TEX11: variants seen among roughly 807,000 people sequenced by gnomAD.
The protein encoded by TEX11 is testis-expressed protein 11.
A neutral mutation model predicts 84.4 loss-of-function variants in TEX11; 7 were observed. That is an observed-to-expected ratio of 0.08 (90% confidence interval 0.05 to 0.16). The LOEUF (loss-of-function observed/expected upper bound fraction) is 0.16. Among genes scored for constraint, TEX11 ranks in the 10% least tolerant of loss-of-function variants. The probability of loss-of-function intolerance (pLI) is 1.00; values close to 1 mark genes in which losing one functional copy is unlikely to be tolerated. For missense variants in TEX11, 551 were observed against 660.5 expected, an observed-to-expected ratio of 0.83 and a Z score of 1.82; for synonymous variants, 264 against 222.8, an observed-to-expected ratio of 1.18 and a Z score of -1.64.
intron 25 of TEX11, among the ~76,000 whole-genome samples, chrX:70,557,564 TA>T (rs752815788): frequency 1.8e-5 from 2 of 111,921 alleles, no homozygotes; most frequent in Admixed American, 1.9e-4. Context: ...TTATGTAACT[TA>T]TAAACAAAAA....
chrX:70,685,399 C>T lies in TEX11; in HGVS notation c.1005-2574G>A, dbSNP rs145365696. Among the ~76,000 whole-genome samples the T allele has an allele frequency of 3.1e-3, 344 of 111,613 alleles. 5 individuals are homozygous for T. The East Asian group carries it at 0.049, about 16-fold the overall frequency. ...ATGTGTTTGGACAACTGGACATCCA[C>T]CTGCAAAAGAATAAATTGAACACAT... On this transcript the variant is annotated intron_variant, in intron 13 of 29. Transcript: ENST00000374333.
downstream of TEX11, among the ~76,000 whole-genome samples, chrX:70,528,179 T>C (rs1203693612): frequency 8.9e-6 from 1 of 111,824 alleles, no homozygotes; most frequent in Non-Finnish European, 1.9e-5. Flanking sequence ...TTCAGAGGCA[T>C]CTCCAAGGGG....
In TEX11 at chrX:70,853,116, C is replaced by T; in HGVS notation, c.443G>A (p.Ser148Asn). 4 of 1,209,681 alleles carry T rather than the reference C, an allele frequency of 3.3e-6. No homozygotes were observed. The highest frequency in any genetic ancestry group is 4.5e-6 in the Non-Finnish European group (4 of 894,348). ...EQLYVKLIQR[S>N]SPEADLTMEK... ...CATGGTCAAGTCAGCCTCAGGGGAG[C>T]TCCTTTGAATTAATTTGACGTATAA... is the stretch of plus-strand genomic sequence containing the variant. The change falls in exon 7 of 30, where the codon AGC (serine) becomes AAC (asparagine). Residue 148 changes from serine to asparagine, a missense_variant. By Grantham distance (46) the Ser-to-Asn change is conservative (BLOSUM62 1). Coordinates refer to ENST00000374333, the MANE Select transcript of TEX11 (RefSeq NM_031276.3).
At chrX:70,845,540 A>G (rs186134149) in intron 7 of TEX11, among the ~76,000 whole-genome samples, 98 of 111,042 alleles carry the variant, frequency 8.8e-4, no homozygotes, top group Non-Finnish European at 1.5e-3. Flanking sequence ...AAAAATAGTT[A>G]ATCCAGGCAG....
At chrX:70,672,298 A>C (rs1284643798) in intron 15 of TEX11, among the ~76,000 whole-genome samples, 1 of 111,562 alleles carries the variant, frequency 9.0e-6, no homozygotes, top group East Asian at 2.8e-4. Flanking sequence ...AACTATTATA[A>C]ATAAAGCTGC....
chrX:70,611,123 AC>A (rs2089255729), intron 20 of TEX11, among the ~76,000 whole-genome samples: 1 of 111,748 alleles, frequency 8.9e-6, no homozygotes, highest in Non-Finnish European at 1.9e-5. Flanking sequence ...AGGTTTCCTG[AC>A]CCCTCTGTCA....
intron 9 of TEX11, among the ~76,000 whole-genome samples, chrX:70,801,661 CT>C (rs57240637): frequency 1.9e-4 from 15 of 77,638 alleles, no homozygotes; most frequent in South Asian, 1.4e-3. Context: ...TTCTTTCTTT[CT>C]TTCTTTCTTT....
At position 70,682,642 on chromosome X, in the gene TEX11, G is replaced by A. The variant is rs763571019; in HGVS notation, c.1156+32C>T. The stretch of plus-strand genomic sequence containing the variant: ...CTAAGAATTATACACAAATTAATAC[G>A]TTTCTAAAACACTTGCGAAAATCCT... On this transcript the variant is annotated intron_variant, in intron 14 of 29. Transcript: ENST00000374333. 6 of 1,192,372 alleles carry A rather than the reference G, an allele frequency of 5.0e-6. No homozygotes were observed. The South Asian group carries it at 5.5e-5, about 11-fold the overall frequency.
intron 16 of TEX11, among the ~76,000 whole-genome samples, chrX:70,652,873 T>G (rs1477032753): frequency 9.0e-6 from 1 of 110,675 alleles, no homozygotes; most frequent in Non-Finnish European, 1.9e-5. Flanking sequence ...CTTTCTAGGA[T>G]AGCCACTAAA....
chrX:70,619,791 T>C (rs1206525533), intron 20 of TEX11, among the ~76,000 whole-genome samples: 1 of 109,963 alleles, frequency 9.1e-6, no homozygotes, highest in Non-Finnish European at 1.9e-5. Context: ...AATGACTGAA[T>C]GGGACTCCAG....
intron 9 of TEX11, among the ~76,000 whole-genome samples, chrX:70,781,083 A>G (rs1242863183): frequency 9.0e-6 from 1 of 111,644 alleles, no homozygotes; most frequent in Non-Finnish European, 1.9e-5. Flanking sequence ...ATATAGGCAG[A>G]TGCCCCTCTG....
chrX:70,579,895 G>T (rs1168830912), intron 25 of TEX11, among the ~76,000 whole-genome samples: 1 of 112,172 alleles, frequency 8.9e-6, no homozygotes, highest in African/African-American at 3.2e-5. Context: ...TACACTGCTG[G>T]TGGGAACATA....
chrX:70,782,652 A>AAAAAAAAAAAAAAAAC (rs1569439773), intron 9 of TEX11, among the ~76,000 whole-genome samples: 16 of 102,303 alleles, frequency 1.6e-4, no homozygotes, highest in African/African-American at 5.8e-4. Flanking sequence ...AAGCAAAAAA[A>AAAAAAAAAAAAAAAAC]AAAAAAAAAA....
chrX:70,744,430 A>G (rs1424617891), intron 9 of TEX11, among the ~76,000 whole-genome samples: 4 of 108,772 alleles, frequency 3.7e-5, no homozygotes, highest in Non-Finnish European at 7.6e-5. Flanking sequence ...CAATTTCCTT[A>G]GGAGATACCC....
At chrX:70,870,543 G>C (rs761809067) in intron 4 of TEX11, among the ~76,000 whole-genome samples, 9 of 111,001 alleles carry the variant, frequency 8.1e-5, no homozygotes, top group African/African-American at 2.6e-4. Flanking sequence ...CACTGTGTTA[G>C]TCAGGATGGT....
At chrX:70,650,422 G>A (rs1218879889) in intron 17 of TEX11, among the ~76,000 whole-genome samples, 1 of 111,210 alleles carries the variant, frequency 9.0e-6, no homozygotes, top group African/African-American at 3.3e-5. Flanking sequence ...GATTTAACAG[G>A]AAAATTACTA....
At chrX:70,883,583 T>C (rs2091694324) in intron 2 of TEX11, among the ~76,000 whole-genome samples, 1 of 111,244 alleles carries the variant, frequency 9.0e-6, no homozygotes, top group East Asian at 2.8e-4. Flanking sequence ...CTGTCTCAAA[T>C]ACAAAATGCA....
At chrX:70,595,417 T>G (rs2088992598) in intron 24 of TEX11, among the ~76,000 whole-genome samples, 1 of 111,549 alleles carries the variant, frequency 9.0e-6, no homozygotes, top group African/African-American at 3.3e-5. Flanking sequence ...TACTTAAAAT[T>G]CTATAAAGTG....
At chrX:70,752,805 A>G (rs2090838358) in intron 9 of TEX11, among the ~76,000 whole-genome samples, 1 of 110,573 alleles carries the variant, frequency 9.0e-6, no homozygotes, top group Admixed American at 9.7e-5. Flanking sequence ...AAGAGGCACT[A>G]AAGAGGTAGA....
Sources: allele counts gnomAD v4.1 joint callset (sites outside exome capture counted in the v4.1 genomes callset), GRCh38; gene constraint gnomAD v4.1.1; transcripts MANE v1.5; gene names NCBI Gene and HGNC (gene_info 2026-07-23, HGNC 2026-07-21).